The following TENM2 variants were observed in gnomAD, a reference collection of about 807,000 sequenced individuals.
TENM2 encodes the protein teneurin transmembrane protein 2.
Under a neutral mutation model 245.2 loss-of-function variants are expected in TENM2, and 52 were observed. That is an observed-to-expected ratio of 0.21 (90% CI 0.17 to 0.27). The LOEUF is 0.27. TENM2 is among the 10% of genes least tolerant of loss of function. TENM2 has a pLI of 1.00. For synonymous variants in TENM2, 1,363 were observed against 1,438.9 expected, an observed-to-expected ratio of 0.95 and a Z score of 1.19; for missense variants, 3,046 against 3,666.8, an observed-to-expected ratio of 0.83 and a Z score of 4.37.
At chr5:168,200,959 A>G (rs1761884534) in intron 17 of TENM2, among the ~76,000 whole-genome samples, 1 of 152,172 alleles carries the variant, frequency 6.6e-6, no homozygotes, top group African/African-American at 2.4e-5. Flanking sequence ...AACCTCAGAA[A>G]TTTTCACTAT....
chr5:167,369,088 TG>T (rs1354572812), intron 1 of TENM2, among the ~76,000 whole-genome samples: 1 of 152,100 alleles, frequency 6.6e-6, no homozygotes, highest in African/African-American at 2.4e-5. Flanking sequence ...TTGTTTTGTC[TG>T]CTGCCGTTTC....
chr5:168,174,451 C>T (rs964290118), intron 13 of TENM2, among the ~76,000 whole-genome samples: 6 of 152,174 alleles, frequency 3.9e-5, no homozygotes, highest in Admixed American at 2.6e-4. Flanking sequence ...GTCAGCACAA[C>T]GGTTCGTATA....
At chr5:168,138,371 A>T (rs186616299) in intron 12 of TENM2, among the ~76,000 whole-genome samples, 18 of 152,380 alleles carry the variant, frequency 1.2e-4, no homozygotes, top group African/African-American at 4.3e-4. Context: ...GTGTTAGCTT[A>T]AAAATTATTA....
intron 4 of TENM2, among the ~76,000 whole-genome samples, chr5:167,987,756 G>A (rs1783360744): frequency 6.6e-6 from 1 of 152,124 alleles, no homozygotes; most frequent in Non-Finnish European, 1.5e-5. Context: ...GATCACTTGA[G>A]TGCTGTGTTA....
At chr5:167,516,172 A>G (rs942355253) in intron 2 of TENM2, among the ~76,000 whole-genome samples, 5 of 152,146 alleles carry the variant, frequency 3.3e-5, no homozygotes, top group African/African-American at 9.7e-5. Context: ...TCTGTAAGAC[A>G]CTAGCTACCA....
chr5:167,754,976 A>G (rs757330303), intron 2 of TENM2: 6 of 1,545,288 alleles, frequency 3.9e-6, no homozygotes, highest in Non-Finnish European at 5.2e-6. Flanking sequence ...CAGCTGTGTC[A>G]GACTGGGACT....
At chr5:167,495,585 G>A (rs1562002051) in intron 2 of TENM2, among the ~76,000 whole-genome samples, 1 of 152,060 alleles carries the variant, frequency 6.6e-6, no homozygotes, top group East Asian at 1.9e-4. Flanking sequence ...TTAAGGAAGT[G>A]CCGAATAATT....
intron 2 of TENM2, among the ~76,000 whole-genome samples, chr5:167,872,559 AAAGAAAGAAAGAAAG>A (rs879328072): frequency 0.19 from 14,986 of 77,608 alleles, 1,839 homozygotes; most frequent in South Asian, 0.35. Flanking sequence ...AGAAAGAAAG[AAAGAAAGAAAGAAAG>A]AAAGAAAGAG....
intron 2 of TENM2, among the ~76,000 whole-genome samples, chr5:167,711,724 G>A (rs909384714): frequency 1.4e-4 from 22 of 151,908 alleles, no homozygotes; most frequent in African/African-American, 4.4e-4. Context: ...TTTGCACTGC[G>A]CTCATCTCCT....
At chr5:168,122,889 G>A (rs866814861) in intron 10 of TENM2, among the ~76,000 whole-genome samples, 2 of 152,154 alleles carry the variant, frequency 1.3e-5, no homozygotes, top group Non-Finnish European at 2.9e-5. Context: ...ATGGAATATT[G>A]TGATTTCCAG....
At chr5:167,514,802 G>C (rs1252185903) in intron 2 of TENM2, among the ~76,000 whole-genome samples, 1 of 152,140 alleles carries the variant, frequency 6.6e-6, no homozygotes, top group Non-Finnish European at 1.5e-5. Flanking sequence ...CCTGAGGTCA[G>C]GAGTTCGAGA....
chr5:167,199,450 T>C, the TENM2 span, among the ~76,000 whole-genome samples: 18 of 152,130 alleles, frequency 1.2e-4, no homozygotes, highest in South Asian at 2.1e-4. Flanking sequence ...TGAGTCTTCC[T>C]GGCCCGGCAC....
the TENM2 span, among the ~76,000 whole-genome samples, chr5:167,205,417 T>C: frequency 6.6e-6 from 1 of 152,048 alleles, no homozygotes. Flanking sequence ...AAATAGTGTT[T>C]CCTTCTTTGC....
chr5:167,232,166 A>G, the TENM2 span, among the ~76,000 whole-genome samples: 2 of 152,154 alleles, frequency 1.3e-5, no homozygotes, highest in Non-Finnish European at 2.9e-5. Flanking sequence ...AGGGCAGTGC[A>G]GAAGGGAAAT....
upstream of TENM2, among the ~76,000 whole-genome samples, chr5:167,280,736 A>ATCTG (rs770240667): frequency 0.026 from 3,824 of 145,668 alleles, 70 homozygotes; most frequent in East Asian, 0.039. Flanking sequence ...ATCTATATCT[A>ATCTG]TCTGTCTGTC....
intron 2 of TENM2, among the ~76,000 whole-genome samples, chr5:167,755,497 G>A (rs1762253486): frequency 6.6e-6 from 1 of 151,158 alleles, no homozygotes; most frequent in Non-Finnish European, 1.5e-5. Flanking sequence ...AATATAAAAT[G>A]GAATTTATTA....
At chr5:168,195,198 C>G (rs1212343945) in exon 15 of TENM2, 1 of 1,606,076 alleles carries the variant, frequency 6.2e-7, no homozygotes, top group South Asian at 1.1e-5. Context: ...CATCCGAGGC[C>G]AAGTAGTAAC....
the TENM2 span, among the ~76,000 whole-genome samples, chr5:167,037,436 G>A: frequency 6.6e-6 from 1 of 152,150 alleles, no homozygotes. Context: ...CTATGATTTG[G>A]AGATTTTTGT....
intron 2 of TENM2, among the ~76,000 whole-genome samples, chr5:167,702,314 A>T (rs1758191654): frequency 6.6e-6 from 1 of 152,096 alleles, no homozygotes; most frequent in Non-Finnish European, 1.5e-5. Flanking sequence ...AATGAAGGAT[A>T]GAGCTGCTTG....
Sources: allele counts gnomAD v4.1 joint callset (sites outside exome capture counted in the v4.1 genomes callset), GRCh38; gene constraint gnomAD v4.1.1; transcripts MANE v1.5; gene names NCBI Gene and HGNC (gene_info 2026-07-23, HGNC 2026-07-21).